KCNH5: variants seen among roughly 807,000 people sequenced by gnomAD.
The protein encoded by KCNH5 is potassium voltage-gated channel subfamily H member 5.
A neutral mutation model predicts 96.1 loss-of-function variants in KCNH5; 46 were observed. That is an observed-to-expected ratio of 0.48 (90% CI 0.38 to 0.61). The LOEUF (loss-of-function observed/expected upper bound fraction) is 0.61. Among genes scored for constraint, KCNH5 ranks in the 20% least tolerant of loss-of-function variants. KCNH5 has a pLI of 0.00. For missense variants in KCNH5, 907 were observed against 1,225.8 expected (o/e 0.74, Z 3.88); for synonymous variants, 439 against 449.8 (o/e 0.98, Z 0.30).
intron 10 of KCNH5, among the ~76,000 whole-genome samples, chr14:62,768,172 T>C (rs1885905302): frequency 6.6e-6 from 1 of 151,970 alleles, no homozygotes; most frequent in African/African-American, 2.4e-5. Flanking sequence ...CATATACTCA[T>C]ATAACAAAAC....
At chr14:62,983,465 T>C (rs1041930024) in intron 5 of KCNH5, among the ~76,000 whole-genome samples, 13 of 152,170 alleles carry the variant, frequency 8.5e-5, no homozygotes, top group African/African-American at 3.1e-4. Flanking sequence ...TATATTAATA[T>C]CACACATTCA....
intron 8 of KCNH5, among the ~76,000 whole-genome samples, chr14:62,841,351 T>A (rs1047525802): frequency 6.6e-6 from 1 of 152,172 alleles, no homozygotes; most frequent in Admixed American, 6.5e-5. Context: ...TCAATAGCCA[T>A]TACTGCAGAT....
At chr14:62,785,748 T>C (rs1371680684) in intron 9 of KCNH5, among the ~76,000 whole-genome samples, 3 of 151,862 alleles carry the variant, frequency 2.0e-5, no homozygotes, top group Non-Finnish European at 2.9e-5. Flanking sequence ...AGAGACAGAG[T>C]TACAACATAA....
chr14:62,720,425 C>A (rs1884782913), intron 10 of KCNH5, among the ~76,000 whole-genome samples: 1 of 151,720 alleles, frequency 6.6e-6, no homozygotes, highest in Non-Finnish European at 1.5e-5. Context: ...TAAACAACAA[C>A]AAAAAAATTA....
intron 7 of KCNH5, among the ~76,000 whole-genome samples, chr14:62,883,922 C>G (rs1194713185): frequency 6.6e-6 from 1 of 152,062 alleles, no homozygotes; most frequent in South Asian, 2.1e-4. Context: ...TCAATTTGCT[C>G]CAGTCTATAT....
At chr14:63,036,312 T>G (rs1425791556) in intron 1 of KCNH5, among the ~76,000 whole-genome samples, 3 of 152,178 alleles carry the variant, frequency 2.0e-5, no homozygotes, top group Non-Finnish European at 4.4e-5. Context: ...TGAGTCAGTA[T>G]AGTAAATGGG....
chr14:62,742,597 C>T (rs944584265), intron 10 of KCNH5, among the ~76,000 whole-genome samples: 1 of 152,220 alleles, frequency 6.6e-6, no homozygotes, highest in African/African-American at 2.4e-5. Flanking sequence ...TGAGTCTAAA[C>T]TACAGCCTTA....
intron 10 of KCNH5, among the ~76,000 whole-genome samples, chr14:62,718,479 T>C (rs1242632744): frequency 2.0e-5 from 3 of 152,152 alleles, no homozygotes; most frequent in Admixed American, 2.0e-4. Flanking sequence ...TCATTAGTCA[T>C]TGGAGAAATG....
chr14:62,877,783 G>A (rs143807402), intron 7 of KCNH5, among the ~76,000 whole-genome samples: 3,944 of 152,020 alleles, frequency 0.026, 90 homozygotes, highest in East Asian at 0.081. Context: ...GGAAGTCAGT[G>A]TGGTGATTCC....
At chr14:62,884,967 A>G (rs966769419) in intron 7 of KCNH5, among the ~76,000 whole-genome samples, 4 of 152,254 alleles carry the variant, frequency 2.6e-5, no homozygotes, top group Non-Finnish European at 4.4e-5. Context: ...AACTAGTTGT[A>G]TAACTTTATA....
chr14:62,980,089 C>G (rs1890578485), intron 6 of KCNH5, among the ~76,000 whole-genome samples: 1 of 152,138 alleles, frequency 6.6e-6, no homozygotes, highest in African/African-American at 2.4e-5. Context: ...GCTCCTTTTT[C>G]TCTCCTGCCG....
chr14:62,736,099 T>C (rs1336676747), intron 10 of KCNH5, among the ~76,000 whole-genome samples: 2 of 152,198 alleles, frequency 1.3e-5, no homozygotes, highest in Non-Finnish European at 2.9e-5. Context: ...TGCTTTGTTA[T>C]GGCAGCCCTA....
intron 10 of KCNH5, among the ~76,000 whole-genome samples, chr14:62,737,479 T>C (rs1885182913): frequency 1.3e-5 from 2 of 152,152 alleles, no homozygotes; most frequent in Admixed American, 1.3e-4. Flanking sequence ...TCTCAGTCTG[T>C]TTATTCGTCT....
At chr14:62,747,705 T>G (rs1334857591) in intron 10 of KCNH5, among the ~76,000 whole-genome samples, 1 of 152,192 alleles carries the variant, frequency 6.6e-6, no homozygotes, top group African/African-American at 2.4e-5. Flanking sequence ...ATTCATGAAC[T>G]AAAAGTGCCA....
intron 2 of KCNH5, among the ~76,000 whole-genome samples, chr14:63,011,831 A>C (rs190098423): frequency 6.6e-6 from 1 of 152,294 alleles, no homozygotes; most frequent in East Asian, 1.9e-4. Context: ...AGCTGCTGAG[A>C]TAATCCTGTG....
intron 6 of KCNH5, among the ~76,000 whole-genome samples, chr14:62,959,164 T>C (rs1890161010): frequency 1.3e-5 from 2 of 151,928 alleles, no homozygotes; most frequent in Non-Finnish European, 2.9e-5. Context: ...AAAAAACAGG[T>C]AAATAGCATA....
At chr14:63,010,222 CCT>C (rs1287131701) in intron 2 of KCNH5, among the ~76,000 whole-genome samples, 1 of 152,108 alleles carries the variant, frequency 6.6e-6, no homozygotes, top group Non-Finnish European at 1.5e-5. Flanking sequence ...AGTCGTATAT[CCT>C]CTCTGACCCA....
intron 6 of KCNH5, among the ~76,000 whole-genome samples, chr14:62,968,054 T>C (rs1890335748): frequency 1.3e-5 from 2 of 152,226 alleles, no homozygotes; most frequent in South Asian, 2.1e-4. Context: ...TGGAAATTCA[T>C]GCAAAAGAAT....
intron 7 of KCNH5, among the ~76,000 whole-genome samples, chr14:62,877,934 T>C (rs1035344850): frequency 3.3e-5 from 5 of 151,620 alleles, no homozygotes; most frequent in African/African-American, 1.2e-4. Context: ...AGCAAAGACT[T>C]GGAACCAACC....
Sources: allele counts gnomAD v4.1 joint callset (sites outside exome capture counted in the v4.1 genomes callset), GRCh38; gene constraint gnomAD v4.1.1; transcripts MANE v1.5; gene names NCBI Gene and HGNC (gene_info 2026-07-23, HGNC 2026-07-21).